Variants in SINHCAF observed in about 807,000 individuals in gnomAD.
SINHCAF encodes the protein SIN3-HDAC complex associated factor.
SINHCAF carries 3 observed loss-of-function variants against 25.8 expected under a neutral mutation model. The ratio of observed to expected loss-of-function variants is 0.12; its 90% CI spans 0.05 to 0.30. The LOEUF (loss-of-function observed/expected upper bound fraction) is 0.30. SINHCAF is among the 10% of genes least tolerant of loss of function. SINHCAF has a pLI of 1.00. For missense variants in SINHCAF, 121 were observed against 262.3 expected, an observed-to-expected ratio of 0.46 and a Z score of 3.72; for synonymous variants, 70 against 85.5, an observed-to-expected ratio of 0.82 and a Z score of 1.00.
chr12:31,303,631 T>C (rs578047576), intron 1 of SINHCAF: 10 of 152,242 alleles, frequency 6.6e-5, no homozygotes, highest in African/African-American at 9.6e-5. Flanking sequence ...GTTTTAGCAA[T>C]AGACTTACGT....
At chr12:31,302,735 G>A (rs758010598) in intron 1 of SINHCAF, among the ~76,000 whole-genome samples, 3 of 152,124 alleles carry the variant, frequency 2.0e-5, no homozygotes, top group Non-Finnish European at 4.4e-5. Flanking sequence ...GGTAAAGTAA[G>A]TATGTGGCTG....
Position 31,287,679 on chromosome 12 carries a change from T to C in SINHCAF, c.461A>G (p.Asn154Ser). The change falls in exon 5 of 6, where the codon AAC (asparagine) becomes AGC (serine). Residue 154 changes from asparagine (N) to serine (S), a missense_variant. Asn to Ser is a conservative substitution (Grantham distance 46). Transcript: ENST00000337682. ...TAAAAAGGAAAAAACTGGTGTTCTG[T>C]TAGAACCAGAAGCCATCTCTGTATC... is the stretch of plus-strand genomic sequence containing the variant. ...GSDTEMASGS[N>S]RTPVFSFLDL... is the part of the protein sequence containing the mutation. The C allele has an allele frequency of 6.2e-7, 1 of 1,606,344 alleles. No individual in the cohort carries two copies. Among genetic ancestry groups the C allele is most frequent in the Non-Finnish European group, 8.5e-7 (1 of 1,176,004 alleles).
In SINHCAF at chr12:31,287,768, A is replaced by G. The variant is rs1245789871; in HGVS notation, c.372T>C (p.Ser124=). ...EFKRHNSDAH[S]TTSSASPAQS... ...GAGCTGGGGAGGCACTTGAGGTGGT[A>G]CTGTGAGCATCAGAATCTGCAATAA... Residue 124 remains serine (S), a synonymous_variant, in exon 5 of 6, where the codon AGT becomes AGC. Coordinates refer to ENST00000337682, the MANE Select transcript of SINHCAF (RefSeq NM_001135812.2). The G allele has an allele frequency of 6.3e-7, 1 of 1,594,696 alleles. No homozygotes were observed.
At chr12:31,300,682 T>C (rs187756002) in intron 1 of SINHCAF, among the ~76,000 whole-genome samples, 4 of 152,314 alleles carry the variant, frequency 2.6e-5, no homozygotes, top group Admixed American at 2.6e-4. Context: ...TGACAGAAGA[T>C]TGCAGAAACA....
chr12:31,293,548 T>C (rs770845159), intron 4 of SINHCAF, among the ~76,000 whole-genome samples: 6 of 152,150 alleles, frequency 3.9e-5, no homozygotes, highest in Admixed American at 6.5e-5. Flanking sequence ...AATTAAGATG[T>C]CAATAAAGAC....
chr12:31,296,612 T>C (rs1181103236), intron 2 of SINHCAF, among the ~76,000 whole-genome samples: 3 of 152,036 alleles, frequency 2.0e-5, no homozygotes, highest in African/African-American at 7.2e-5. Context: ...CTTATGCCTG[T>C]AATCCCAGCA....
intron 5 of SINHCAF, among the ~76,000 whole-genome samples, chr12:31,287,296 C>T (rs1013437718): frequency 2.0e-5 from 3 of 152,126 alleles, no homozygotes; most frequent in Non-Finnish European, 2.9e-5. Context: ...TGTATTATCT[C>T]CTTTTCCTGA....
At chr12:31,312,631 G>A (rs1394545200) in intron 1 of SINHCAF, among the ~76,000 whole-genome samples, 1 of 152,136 alleles carries the variant, frequency 6.6e-6, no homozygotes. Flanking sequence ...TGGCCATTTA[G>A]GTATCCTCTT....
At chr12:31,312,915 A>C (rs529852492) in intron 1 of SINHCAF, among the ~76,000 whole-genome samples, 1 of 152,340 alleles carries the variant, frequency 6.6e-6, no homozygotes, top group East Asian at 1.9e-4. Flanking sequence ...TAATTGTTCT[A>C]GAATTTGTGA....
intron 4 of SINHCAF, among the ~76,000 whole-genome samples, chr12:31,292,983 A>C (rs1938395369): frequency 6.6e-6 from 1 of 152,206 alleles, no homozygotes; most frequent in South Asian, 2.1e-4. Flanking sequence ...AACAGAAAGT[A>C]TATTCCTAAC....
At chr12:31,319,550 A>C (rs993786615) in intron 1 of SINHCAF, among the ~76,000 whole-genome samples, 1 of 152,188 alleles carries the variant, frequency 6.6e-6, no homozygotes, top group Non-Finnish European at 1.5e-5. Context: ...ACAAATCCAA[A>C]TCTCCTGAAT....
At chr12:31,312,136 G>A (rs1317382130) in intron 1 of SINHCAF, 9 of 415,976 alleles carry the variant, frequency 2.2e-5, no homozygotes, top group South Asian at 1.1e-4. Flanking sequence ...GGTTTTTCCT[G>A]TTTTTAAACT....
chr12:31,288,929 C>T (rs1212065476), intron 4 of SINHCAF, among the ~76,000 whole-genome samples: 1 of 151,870 alleles, frequency 6.6e-6, no homozygotes, highest in Non-Finnish European at 1.5e-5. Context: ...AAAACATAGG[C>T]TTGGCAAAGA....
At chr12:31,296,113 T>C (rs1938538757) in intron 2 of SINHCAF, among the ~76,000 whole-genome samples, 1 of 152,200 alleles carries the variant, frequency 6.6e-6, no homozygotes, top group Non-Finnish European at 1.5e-5. Flanking sequence ...ATCACGGTTT[T>C]AAACATTGCT....
At chr12:31,312,677 G>A (rs1246492678) in intron 1 of SINHCAF, among the ~76,000 whole-genome samples, 1 of 152,066 alleles carries the variant, frequency 6.6e-6, no homozygotes, top group Non-Finnish European at 1.5e-5. Context: ...CAAGACCTGT[G>A]GTGGTTATAT....
rs1040780742 is a variant in SINHCAF at position 31,326,025 on chromosome 12, T to G, written c.-22A>C. On this transcript the variant is annotated splice_region_variant and 5_prime_UTR_variant, in exon 1 of 6. Transcript: ENST00000337682. ...AGAAGCATGGTGAGAGTCACTCACC[T>G]TCCAAAAGCAGCCGTTCCACGCGCA... 7 of 151,646 alleles carry G rather than the reference T, an allele frequency of 4.6e-5. No individual in the cohort carries two copies. Among genetic ancestry groups the G allele is most frequent in the African/African-American group, 1.7e-4 (7 of 41,276 alleles). The allele number at this position is 151,646 out of a possible 1,614,324, so 9.4% of individuals were successfully genotyped here. A position where few individuals can be genotyped will look rare whatever the true frequency, so the allele number is the denominator to read the frequency against.
intron 2 of SINHCAF, among the ~76,000 whole-genome samples, chr12:31,295,717 C>G (rs1938519222): frequency 1.3e-5 from 2 of 150,488 alleles, no homozygotes; most frequent in South Asian, 4.2e-4. Flanking sequence ...ACTAAAAATA[C>G]AAAAATCAGC....
rs1937786840 is a variant in SINHCAF at position 31,281,445 on chromosome 12, T to C, written c.*1267A>G. ...GCTAAAACAAGTCAAACACCCATTC[T>C]ACACAGATAAAAACCTTCACAAAGG... On this transcript the variant is annotated 3_prime_UTR_variant, in exon 6 of 6. Transcript: ENST00000337682. The C allele has an allele frequency of 6.6e-6, 1 of 152,270 alleles. No individual in the cohort carries two copies. Among genetic ancestry groups the C allele is most frequent in the Non-Finnish European group, 1.5e-5 (1 of 68,042 alleles). 9.4% of individuals were successfully genotyped at this position (152,270 alleles called of 1,614,324 possible). A position where few individuals can be genotyped will look rare whatever the true frequency, so the allele number is the denominator to read the frequency against.
intron 1 of SINHCAF, among the ~76,000 whole-genome samples, chr12:31,305,545 T>C (rs939896191): frequency 6.6e-6 from 1 of 152,166 alleles, no homozygotes; most frequent in Non-Finnish European, 1.5e-5. Flanking sequence ...AAAGCCTCCA[T>C]AAATTTAGCC....
Sources: allele counts gnomAD v4.1 joint callset (sites outside exome capture counted in the v4.1 genomes callset), GRCh38; gene constraint gnomAD v4.1.1; transcripts MANE v1.5; gene names NCBI Gene and HGNC (gene_info 2026-07-23, HGNC 2026-07-21).